Variants in NTN1 observed in about 807,000 individuals in gnomAD.
NTN1 encodes the protein netrin-1.
Under a neutral mutation model 54.2 loss-of-function variants are expected in NTN1, and 11 were observed. The observed-to-expected ratio is 0.20, with a 90% CI of 0.13 to 0.34. The LOEUF (loss-of-function observed/expected upper bound fraction) is 0.34, where lower values mean the gene tolerates loss of function less well. Among genes scored for constraint, NTN1 ranks in the 10% least tolerant of loss-of-function variants. NTN1 has a pLI of 1.00. For synonymous variants in NTN1, 371 were observed against 382.0 expected (o/e 0.97, Z 0.33); for missense variants, 740 against 893.1 (o/e 0.83, Z 2.18).
intron 3 of NTN1, chr17:9,177,408 G>A (rs1036341364): frequency 6.6e-6 from 1 of 152,270 alleles, no homozygotes; most frequent in Non-Finnish European, 1.5e-5. Context: ...GGGCCAATGA[G>A]GGTGTCCACG....
At chr17:9,120,446 A>G (rs1051464483) in intron 2 of NTN1, among the ~76,000 whole-genome samples, 1 of 152,218 alleles carries the variant, frequency 6.6e-6, no homozygotes, top group African/African-American at 2.4e-5. Context: ...GTGAGGGAAC[A>G]TGGTGACTTC....
intron 2 of NTN1, among the ~76,000 whole-genome samples, chr17:9,113,022 T>C (rs538272129): frequency 3.4e-5 from 5 of 145,022 alleles, no homozygotes; most frequent in Non-Finnish European, 6.2e-5. Flanking sequence ...ATACAGAATT[T>C]TTTTTATTTT....
intron 2 of NTN1, among the ~76,000 whole-genome samples, chr17:9,131,561 G>A (rs2092265268): frequency 1.3e-5 from 2 of 150,540 alleles, no homozygotes; most frequent in Admixed American, 6.6e-5. Flanking sequence ...CTGTGTTTCG[G>A]CCATGGTATT....
chr17:9,206,742 T>C (rs997827563), intron 5 of NTN1, among the ~76,000 whole-genome samples: 1 of 152,218 alleles, frequency 6.6e-6, no homozygotes, highest in Non-Finnish European at 1.5e-5. Context: ...TCTGCAAATA[T>C]ATTTTCATCA....
chr17:9,179,761 GGCC>G (rs751175494), intron 3 of NTN1, 43 bp from the exon 4 acceptor site: 14 of 1,589,422 alleles, frequency 8.8e-6, no homozygotes, highest in Middle Eastern at 1.7e-4. Context: ...GGGATGCACT[GGCC>G]GCTTCCCCCT....
At chr17:9,223,707 C>T (rs989119472) in intron 6 of NTN1, among the ~76,000 whole-genome samples, 8 of 152,314 alleles carry the variant, frequency 5.3e-5, no homozygotes, top group East Asian at 1.9e-4. Flanking sequence ...TGTGAGATGA[C>T]GACTTGAGCA....
At chr17:9,186,795 G>T (rs376242331) in intron 5 of NTN1, among the ~76,000 whole-genome samples, 1 of 152,230 alleles carries the variant, frequency 6.6e-6, no homozygotes, top group Non-Finnish European at 1.5e-5. Flanking sequence ...TTGGGTTTAT[G>T]TAGACCTGCA....
chr17:9,103,721 A>G (rs4791784), intron 2 of NTN1, among the ~76,000 whole-genome samples: 109,682 of 151,894 alleles, frequency 0.72, 40,056 homozygotes, highest in East Asian at 0.96. Flanking sequence ...ATGGTAGGAA[A>G]TTCTCACACA....
At chr17:9,227,821 T>C (rs570683361) in intron 6 of NTN1, among the ~76,000 whole-genome samples, 1,715 of 108,720 alleles carry the variant, frequency 0.016, 35 homozygotes, top group African/African-American at 0.051. Flanking sequence ...TCCCACACTA[T>C]TACACACATA....
At chr17:9,087,530 G>A (rs2092093661) in intron 2 of NTN1, among the ~76,000 whole-genome samples, 1 of 152,238 alleles carries the variant, frequency 6.6e-6, no homozygotes, top group South Asian at 2.1e-4. Context: ...TGGTCACCCA[G>A]TGGGCAGTGG....
At chr17:9,197,671 AAAG>A (rs1023248130) in intron 5 of NTN1, among the ~76,000 whole-genome samples, 8 of 151,336 alleles carry the variant, frequency 5.3e-5, no homozygotes, top group African/African-American at 1.2e-4. Flanking sequence ...AAAAAAAAAA[AAAG>A]AAGGAAGAAA....
At chr17:9,204,181 T>TTCCTTCCCTCCC (rs1904894493) in intron 5 of NTN1, among the ~76,000 whole-genome samples, 1 of 140,910 alleles carries the variant, frequency 7.1e-6, no homozygotes, top group Non-Finnish European at 1.6e-5. Context: ...TAACCGTTCC[T>TTCCTTCCCTCCC]TCCTTCCTTC....
chr17:9,016,301 C>T, the NTN1 span, among the ~76,000 whole-genome samples: 554 of 152,196 alleles, frequency 3.6e-3, 3 homozygotes, highest in African/African-American at 0.013. Context: ...CGTCCAGCAC[C>T]GTGGCCGTCT....
In NTN1 at chr17:9,178,162, A is replaced by C. The variant is rs536296347; in HGVS notation, c.1208-1645A>C. 3.9e-5 allele frequency among the ~76,000 whole-genome samples: 6 copies of C among 152,334 alleles called. No homozygotes were observed. In the South Asian group the frequency reaches 1.2e-3, roughly 32 times the overall value. On this transcript the variant is annotated intron_variant, in intron 3 of 6. Transcript: ENST00000173229. ...CAGTGAGCCGAGATTACGCCATTGC[A>C]CTCTAGCCTGGGCAACAAGAGTGAA...
chr17:9,179,322 C>G (rs1420611059), intron 3 of NTN1, among the ~76,000 whole-genome samples: 1 of 152,162 alleles, frequency 6.6e-6, no homozygotes, highest in African/African-American at 2.4e-5. Context: ...CCTGGCAAAC[C>G]CCAGAGCTTC....
Position 9,179,821 on chromosome 17 carries a change from C to T in NTN1, c.1222C>T (p.Pro408Ser). 1 of 1,613,912 alleles carries T rather than the reference C, an allele frequency of 6.2e-7. No individual in the cohort carries two copies. Among genetic ancestry groups the T allele is most frequent in the Non-Finnish European group, 8.5e-7 (1 of 1,179,926 alleles). Residue 408 changes from proline (P) to serine (S), a missense_variant, in exon 4 of 7, where the codon CCT becomes TCT. Coordinates refer to ENST00000173229, the MANE Select transcript of NTN1 (RefSeq NM_004822.3). Reference protein sequence around the residue: ...RKACKACDCHPVGAAGKTCNQ... With the variant: ...RKACKACDCHSVGAAGKTCNQ... ...GTTCTCTGCAGCCTGTGATTGCCAC[C>T]CTGTGGGTGCTGCTGGCAAAACCTG...
intron 2 of NTN1, among the ~76,000 whole-genome samples, chr17:9,068,084 A>G (rs1177045761): frequency 6.6e-6 from 1 of 152,218 alleles, no homozygotes; most frequent in Admixed American, 6.5e-5. Flanking sequence ...CTCAGGGCAG[A>G]CAATCAATAA....
rs60504172 is a variant in NTN1, at chr17:9,145,916, CAAAAAAAAA to C, written c.1019-16882_1019-16874del. On this transcript the variant is annotated intron_variant, in intron 2 of 6. Coordinates refer to ENST00000173229, the MANE Select transcript of NTN1 (RefSeq NM_004822.3). ...TGGGCGACAGAGCAAGACTCCATCT[CAAAAAAAAA>C]AAAAAAAAAAAAAAGTGTGGGGTAT... 5.8e-3 allele frequency among the ~76,000 whole-genome samples: 512 copies of C among 89,012 alleles called. 6 individuals carry two copies. Among genetic ancestry groups the C allele is most frequent in the African/African-American group, 0.021 (489 of 23,250 alleles). 58.4% of individuals were successfully genotyped at this position (89,012 alleles called of 152,430 possible).
chr17:9,121,444 T>A (rs1220098540), intron 2 of NTN1, among the ~76,000 whole-genome samples: 1 of 152,124 alleles, frequency 6.6e-6, no homozygotes, highest in East Asian at 1.9e-4. Flanking sequence ...AATGCGTGCT[T>A]CCCCGGTGAT....
Sources: allele counts gnomAD v4.1 joint callset (sites outside exome capture counted in the v4.1 genomes callset), GRCh38; gene constraint gnomAD v4.1.1; transcripts MANE v1.5; gene names NCBI Gene and HGNC (gene_info 2026-07-23, HGNC 2026-07-21).